The following ZBTB38 variants were observed in gnomAD, a reference collection of about 807,000 sequenced individuals.
ZBTB38 encodes zinc finger and BTB domain containing 38, also known as zinc finger and BTB domain-containing protein 38.
Under a neutral mutation model 76.8 loss-of-function variants are expected in ZBTB38, and 20 were observed. That is an observed-to-expected ratio of 0.26 (90% CI 0.18 to 0.38). The LOEUF is 0.38. Ranked by LOEUF, ZBTB38 falls within the 10% of genes least tolerant of loss-of-function variation. The pLI, the probability that ZBTB38 is intolerant of heterozygous loss-of-function variation, is 1.00. For synonymous variants in ZBTB38, 504 were observed against 544.2 expected, an observed-to-expected ratio of 0.93 and a Z score of 1.03; for missense variants, 1,082 against 1,482.3, an observed-to-expected ratio of 0.73 and a Z score of 4.43.
chr3:141,357,453 T>G (rs1466072529), intron 1 of ZBTB38, among the ~76,000 whole-genome samples: 1 of 152,252 alleles, frequency 6.6e-6, no homozygotes, highest in African/African-American at 2.4e-5. Flanking sequence ...GCACCCTCCA[T>G]TATAAAAATA....
At chr3:141,436,733 A>AGTGAT (rs1172489348) in intron 5 of ZBTB38, among the ~76,000 whole-genome samples, 1 of 152,160 alleles carries the variant, frequency 6.6e-6, no homozygotes, top group Non-Finnish European at 1.5e-5. Context: ...CCTGACCTCA[A>AGTGAT]GTGATCCACC....
intron 5 of ZBTB38, among the ~76,000 whole-genome samples, chr3:141,430,358 C>A (rs1262198950): frequency 6.6e-6 from 1 of 152,174 alleles, no homozygotes; most frequent in Non-Finnish European, 1.5e-5. Context: ...TGAGCCACCA[C>A]GCCCGGCCTC....
chr3:141,374,870 C>G (rs1327756009), intron 2 of ZBTB38, among the ~76,000 whole-genome samples: 4 of 151,988 alleles, frequency 2.6e-5, no homozygotes, highest in Non-Finnish European at 5.9e-5. Context: ...GTGAATTGGC[C>G]CCTAGAAAGG....
intron 1 of ZBTB38, among the ~76,000 whole-genome samples, chr3:141,336,501 C>T (rs565701917): frequency 1.6e-4 from 24 of 152,236 alleles, no homozygotes; most frequent in Non-Finnish European, 2.4e-4. Context: ...ATACAGTTTT[C>T]CTTTTTTTAA....
intron 1 of ZBTB38, among the ~76,000 whole-genome samples, chr3:141,340,973 A>G (rs1258118696): frequency 1.3e-3 from 194 of 145,732 alleles, no homozygotes; most frequent in African/African-American, 3.9e-3. Context: ...AAAGAAAGAA[A>G]GAAAGAAAGA....
At chr3:141,424,874 A>G (rs931265299) in intron 5 of ZBTB38, among the ~76,000 whole-genome samples, 1 of 152,244 alleles carries the variant, frequency 6.6e-6, no homozygotes, top group Non-Finnish European at 1.5e-5. Flanking sequence ...TCCTGCTGAC[A>G]TTTTTGACTA....
rs2081189532 is a variant in ZBTB38 at position 141,447,532 on chromosome 3, A to C, written c.*1556A>C. ...TTCTTTTTCAAACTGCCAGAATAGA[A>C]GGGAGAGAGAAAACATTTCTACCCT... On this transcript the variant is annotated 3_prime_UTR_variant, in exon 6 of 6. Coordinates refer to ENST00000321464, the MANE Select transcript of ZBTB38 (RefSeq NM_001376113.1). 2.0e-5 allele frequency: 3 copies of C among 152,662 alleles called. No homozygotes were observed. In the South Asian group the frequency reaches 6.2e-4, roughly 32 times the overall value. The allele number at this position is 152,662 out of a possible 1,614,324, so 9.5% of individuals were successfully genotyped here.
chr3:141,378,793 A>G (rs1331588341), intron 2 of ZBTB38, among the ~76,000 whole-genome samples: 1 of 152,236 alleles, frequency 6.6e-6, no homozygotes, highest in Non-Finnish European at 1.5e-5. Context: ...TATGCCAGCA[A>G]TGAATGTGAA....
intron 5 of ZBTB38, among the ~76,000 whole-genome samples, chr3:141,434,637 G>A (rs1293561134): frequency 6.6e-6 from 1 of 152,098 alleles, no homozygotes; most frequent in East Asian, 1.9e-4. Flanking sequence ...ATATAAGGCT[G>A]AAGCATAGCA....
intron 1 of ZBTB38, among the ~76,000 whole-genome samples, chr3:141,340,984 A>AAGAAAGAAAGAAAGAAAG (rs1559913290): frequency 2.1e-4 from 30 of 144,234 alleles, no homozygotes; most frequent in African/African-American, 7.2e-4. Context: ...GAAAGAAAGA[A>AAGAAAGAAAGAAAGAAAG]AGAAAGAGAA....
At chr3:141,426,295 T>G (rs2076368351) in intron 5 of ZBTB38, 15 of 763,356 alleles carry the variant, frequency 2.0e-5, no homozygotes, top group Non-Finnish European at 2.7e-5. Context: ...TGGCTCAGTG[T>G]CAGTGATATC....
intron 5 of ZBTB38, among the ~76,000 whole-genome samples, chr3:141,411,300 A>G (rs893683178): frequency 4.6e-5 from 7 of 152,164 alleles, no homozygotes; most frequent in Non-Finnish European, 8.8e-5. Context: ...CTAAATGAGG[A>G]TTTCCTTTTT....
Position 141,443,416 on chromosome 3 carries a change from A to C in ZBTB38, c.1028A>C (p.Asn343Thr), listed in dbSNP as rs747783650. ...GCAGAGGTTCCACCTCTGGTGTACA[A>C]TTGTAGCTGCTGTTCCAAAGCCTTT... The part of the protein sequence containing the change: ...PAAEVPPLVY[N>T]CSCCSKAFDS... Residue 343 changes from asparagine (N) to threonine (T), a missense_variant, in exon 6 of 6, where the codon AAT (asparagine) becomes ACT (threonine). This residue lies in a region of ZBTB38 where 324 missense variants were observed against 359.1 expected (regional missense o/e 0.90). Coordinates refer to ENST00000321464, the MANE Select transcript of ZBTB38 (RefSeq NM_001376113.1). The surrounding 1 kb of genome is among the most constrained non-coding windows in gnomAD (Gnocchi z 5.6). 63 of 1,614,086 alleles carry C rather than the reference A, an allele frequency of 3.9e-5. No homozygotes were observed. The highest frequency in any genetic ancestry group is 5.2e-5 in the Non-Finnish European group (61 of 1,180,044).
intron 1 of ZBTB38, among the ~76,000 whole-genome samples, chr3:141,350,736 T>G (rs1319663174): frequency 6.6e-6 from 1 of 152,248 alleles, no homozygotes. Context: ...AAAATTGTTT[T>G]TTTCTTGAAA....
chr3:141,421,581 C>T lies in ZBTB38; in HGVS notation c.-1+17550C>T, dbSNP rs375015343. 1.7e-3 allele frequency among the ~76,000 whole-genome samples: 254 copies of T among 152,168 alleles called. 5 individuals are homozygous for T. The highest frequency in any genetic ancestry group is 6.0e-3 in the African/African-American group (248 of 41,516). On this transcript the variant is annotated intron_variant, in intron 5 of 5. Coordinates refer to ENST00000321464, the MANE Select transcript of ZBTB38 (RefSeq NM_001376113.1). Reference sequence around the variant, plus strand: ...TATAGCCCAGGAAAGGGTAAACATTCAAAGGGCTGTCGTATGGCAAAGGCT... The same window carrying T: ...TATAGCCCAGGAAAGGGTAAACATTTAAAGGGCTGTCGTATGGCAAAGGCT...
intron 1 of ZBTB38, among the ~76,000 whole-genome samples, chr3:141,329,234 A>C (rs1450131834): frequency 6.6e-6 from 1 of 152,194 alleles, no homozygotes; most frequent in Non-Finnish European, 1.5e-5. Context: ...CCAGTGCTCA[A>C]AAATATAGAT....
intron 2 of ZBTB38, among the ~76,000 whole-genome samples, chr3:141,379,318 G>A (rs974312359): frequency 1.3e-5 from 2 of 152,182 alleles, no homozygotes; most frequent in African/African-American, 4.8e-5. Flanking sequence ...TGAAACTCGA[G>A]CTGTATTTAC....
intron 4 of ZBTB38, among the ~76,000 whole-genome samples, chr3:141,403,307 T>C (rs1953021251): frequency 6.6e-6 from 1 of 152,234 alleles, no homozygotes; most frequent in Admixed American, 6.5e-5. Flanking sequence ...ATTCTCATGG[T>C]TACAAAATGT....
At chr3:141,386,069 T>C (rs114746934) in intron 3 of ZBTB38, 22 of 152,344 alleles carry the variant, frequency 1.4e-4, no homozygotes, top group African/African-American at 4.1e-4. Flanking sequence ...GTATGTACTA[T>C]CTATAGCCTT....
Sources: allele counts gnomAD v4.1 joint callset (sites outside exome capture counted in the v4.1 genomes callset), GRCh38; gene constraint gnomAD v4.1.1; regional missense constraint gnomAD v4.1.1; non-coding constraint Gnocchi (gnomAD v3.1); transcripts MANE v1.5; gene names NCBI Gene and HGNC (gene_info 2026-07-23, HGNC 2026-07-21).